UNC13C: variants seen among roughly 807,000 people sequenced by gnomAD.
UNC13C encodes the protein unc-13 homolog C, also known as protein unc-13 homolog C.
Under a neutral mutation model 245.4 loss-of-function variants are expected in UNC13C, and 174 were observed. The ratio of observed to expected loss-of-function variants is 0.71; its 90% CI spans 0.63 to 0.80. The LOEUF is 0.80. Among genes scored for constraint, UNC13C ranks in the 30% least tolerant of loss-of-function variants. The pLI, the probability that UNC13C is intolerant of heterozygous loss-of-function variation, is 0.00. For synonymous variants in UNC13C, 992 were observed against 895.1 expected (o/e 1.11, Z -1.93); for missense variants, 2,829 against 2,602.9 (o/e 1.09, Z -1.89).
chr15:54,071,887 T>G (rs1898346773), intron 2 of UNC13C, among the ~76,000 whole-genome samples: 1 of 152,162 alleles, frequency 6.6e-6, no homozygotes, highest in South Asian at 2.1e-4. Flanking sequence ...ACCCCTGGCC[T>G]GACTTACTGC....
At chr15:54,312,222 ATG>A (rs142402305) in intron 13 of UNC13C, among the ~76,000 whole-genome samples, 6 of 150,340 alleles carry the variant, frequency 4.0e-5, no homozygotes, top group Admixed American at 6.7e-5. Flanking sequence ...TTTGGTGTGC[ATG>A]TGTGTGTGTG....
At chr15:54,454,570 G>GAAA (rs60702966) in intron 19 of UNC13C, among the ~76,000 whole-genome samples, 2 of 119,118 alleles carry the variant, frequency 1.7e-5, no homozygotes, top group African/African-American at 3.1e-5. Context: ...AATAGTGGGG[G>GAAA]AAAAAAAAAA....
intron 7 of UNC13C, among the ~76,000 whole-genome samples, chr15:54,247,469 C>T (rs1043974669): frequency 3.9e-5 from 6 of 152,090 alleles, no homozygotes; most frequent in Non-Finnish European, 7.4e-5. Context: ...ATTTCATGTT[C>T]CTAAACTATC....
In UNC13C at chr15:54,549,792, TAAG is replaced by T. The variant is rs1359493060; in HGVS notation, c.5877+106_5877+108del. On this transcript the variant is annotated intron_variant, in intron 28 of 32. Transcript: ENST00000260323. ...GTAATAGTATCTAGCATGGCAGGAT[TAAG>T]AAGATGTGTGTGTGATTTCACAATC... The T allele has an allele frequency of 1.1e-5, 8 of 720,170 alleles. 1 individual carries two copies. In the East Asian group the frequency reaches 1.4e-4, roughly 12 times the overall value. 44.6% of individuals were successfully genotyped at this position (720,170 alleles called of 1,614,324 possible).
the UNC13C span, among the ~76,000 whole-genome samples, chr15:53,893,316 C>G: frequency 9.5e-4 from 145 of 152,298 alleles, 1 homozygote; most frequent in African/African-American, 3.4e-3. Context: ...ATCTCCCAGT[C>G]AGGATACACG....
intron 24 of UNC13C, among the ~76,000 whole-genome samples, chr15:54,515,084 TA>T (rs375920793): frequency 0.013 from 1,987 of 151,702 alleles, 48 homozygotes; most frequent in African/African-American, 0.046. Context: ...AGAGAATATA[TA>T]AAAAAAAATC....
chr15:54,417,437 T>C (rs2040545733), intron 19 of UNC13C, among the ~76,000 whole-genome samples: 1 of 152,184 alleles, frequency 6.6e-6, no homozygotes, highest in African/African-American at 2.4e-5. Flanking sequence ...TTTTGTATCA[T>C]AATGTATAAG....
At chr15:54,118,321 T>C (rs2030420706) in intron 2 of UNC13C, among the ~76,000 whole-genome samples, 2 of 151,984 alleles carry the variant, frequency 1.3e-5, no homozygotes. Flanking sequence ...TCCTCTTCAA[T>C]TTTTTTTCAT....
At chr15:54,175,331 G>C (rs2033569508) in intron 4 of UNC13C, among the ~76,000 whole-genome samples, 1 of 152,034 alleles carries the variant, frequency 6.6e-6, no homozygotes, top group Admixed American at 6.6e-5. Context: ...TTCAAAACAA[G>C]CACAAGAGGA....
At chr15:54,083,396 T>C (rs1008440594) in intron 2 of UNC13C, among the ~76,000 whole-genome samples, 2 of 152,154 alleles carry the variant, frequency 1.3e-5, no homozygotes, top group Admixed American at 6.5e-5. Context: ...CTGGCCTCCG[T>C]TGTCAGGGTG....
At chr15:54,486,011 A>G (rs533310379) in intron 19 of UNC13C, among the ~76,000 whole-genome samples, 5 of 152,024 alleles carry the variant, frequency 3.3e-5, no homozygotes, top group Non-Finnish European at 7.4e-5. Flanking sequence ...TATACTTCAC[A>G]TTATATTGAA....
chr15:54,150,286 C>T (rs908087736), intron 4 of UNC13C, among the ~76,000 whole-genome samples: 1 of 152,186 alleles, frequency 6.6e-6, no homozygotes, highest in Non-Finnish European at 1.5e-5. Flanking sequence ...AGAAACAACC[C>T]TTGACATCTC....
At chr15:53,941,391 G>A in the UNC13C span, among the ~76,000 whole-genome samples, 1 of 152,150 alleles carries the variant, frequency 6.6e-6, no homozygotes, top group African/African-American at 2.4e-5. Flanking sequence ...CATGGGTAAA[G>A]ATTTCATGAC....
intron 2 of UNC13C, among the ~76,000 whole-genome samples, chr15:54,120,854 G>C (rs2030618058): frequency 6.6e-6 from 1 of 152,072 alleles, no homozygotes; most frequent in South Asian, 2.1e-4. Context: ...AAGAGAACTG[G>C]AATTAGATAT....
At chr15:54,178,707 A>C (rs914546046) in intron 4 of UNC13C, among the ~76,000 whole-genome samples, 2 of 152,144 alleles carry the variant, frequency 1.3e-5, no homozygotes, top group African/African-American at 4.8e-5. Context: ...ATTTCTGTGC[A>C]GAACTTGCAC....
chr15:54,176,969 A>G (rs937478974), intron 4 of UNC13C, among the ~76,000 whole-genome samples: 2 of 152,118 alleles, frequency 1.3e-5, no homozygotes, highest in African/African-American at 4.8e-5. Context: ...ATTGAGATTG[A>G]TGTTATCAAA....
intron 4 of UNC13C, among the ~76,000 whole-genome samples, chr15:54,219,568 G>T (rs1226190971): frequency 1.4e-5 from 2 of 145,906 alleles, no homozygotes; most frequent in African/African-American, 5.2e-5. Context: ...AACACCAAAA[G>T]CAATGGCAAC....
chr15:54,285,836 G>C (rs1318088392), intron 10 of UNC13C, among the ~76,000 whole-genome samples: 1 of 150,980 alleles, frequency 6.6e-6, no homozygotes, highest in Non-Finnish European at 1.5e-5. Flanking sequence ...TTTTATATAC[G>C]TATATATTTA....
At chr15:53,943,656 C>T in the UNC13C span, among the ~76,000 whole-genome samples, 2 of 151,872 alleles carry the variant, frequency 1.3e-5, no homozygotes, top group Admixed American at 6.6e-5. Context: ...GTTTTTTTCC[C>T]TAAAAAAATT....
Sources: allele counts gnomAD v4.1 joint callset (sites outside exome capture counted in the v4.1 genomes callset), GRCh38; gene constraint gnomAD v4.1.1; transcripts MANE v1.5; gene names NCBI Gene and HGNC (gene_info 2026-07-23, HGNC 2026-07-21).